The following DAG1 variants were observed in gnomAD, a reference collection of about 807,000 sequenced individuals.
DAG1 encodes the protein dystroglycan 1 (dystrophin-associated glycoprotein 1).
Under a neutral mutation model 46.1 loss-of-function variants are expected in DAG1, and 8 were observed. That is an observed-to-expected ratio of 0.17 (90% CI 0.10 to 0.31). The LOEUF (loss-of-function observed/expected upper bound fraction) is 0.31, where lower values mean the gene tolerates loss of function less well. DAG1 is among the 10% of genes least tolerant of loss of function. The pLI is 1.00. For synonymous variants in DAG1, 495 were observed against 481.8 expected, an observed-to-expected ratio of 1.03 and a Z score of -0.36; for missense variants, 1,003 against 1,189.9, an observed-to-expected ratio of 0.84 and a Z score of 2.31.
chr3:49,477,709 C>T (rs907211177), intron 1 of DAG1, among the ~76,000 whole-genome samples: 1 of 152,316 alleles, frequency 6.6e-6, no homozygotes, highest in East Asian at 1.9e-4. Context: ...CACCTATAAT[C>T]CCAGCACTTT....
intron 1 of DAG1, among the ~76,000 whole-genome samples, chr3:49,473,328 A>G (rs1485649736): frequency 6.6e-6 from 1 of 151,720 alleles, no homozygotes; most frequent in Non-Finnish European, 1.5e-5. Flanking sequence ...AGGCTGAGGC[A>G]GGAGAATGGC....
chr3:49,528,640 T>G (rs1379366933), intron 2 of DAG1, among the ~76,000 whole-genome samples: 4 of 152,150 alleles, frequency 2.6e-5, no homozygotes, highest in Non-Finnish European at 5.9e-5. Context: ...ATATTTAGCA[T>G]TTTTCATGAA....
intron 2 of DAG1, among the ~76,000 whole-genome samples, chr3:49,526,167 A>G (rs999829003): frequency 3.3e-5 from 5 of 152,134 alleles, no homozygotes; most frequent in Non-Finnish European, 7.4e-5. Context: ...CTTTTAAACA[A>G]CCAGATCTTG....
At position 49,507,652 on chromosome 3, in the gene DAG1, T is replaced by TCTTTTC. The variant is rs1230896878; in HGVS notation, c.-116-2762_-116-2757dup. Among the ~76,000 whole-genome samples the TCTTTTC allele has an allele frequency of 1.2e-3, 178 of 152,038 alleles. 1 individual carries two copies. The highest frequency in any genetic ancestry group is 0.01 in the Middle Eastern group (3 of 294). ...TTTTCTTTTTTTTTCTTTTTCTTTTTCTTTTCCTTTCCTTTATCTTTTCCT... is the reference window on the plus strand; with the variant it reads ...TTTTCTTTTTTTTTCTTTTTCTTTTTCTTTTCCTTTTCCTTTCCTTTATCTTTTCCT... On this transcript the variant is annotated intron_variant, in intron 1 of 2. Transcript: ENST00000308775.
rs756767026 is a variant in DAG1, at chr3:49,530,815, G to A, written c.304G>A (p.Glu102Lys). ...CTTCTAGGTATCAGCGGCAGGGAAG[G>A]AGGCTTTGCCATCTTGGCTGCACTG... ...DIIKVSAAGK[E>K]ALPSWLHWDS... Residue 102 changes from glutamate to lysine, a missense_variant, in exon 3 of 3, where the codon GAG becomes AAG. Glu to Lys is a moderately conservative substitution (Grantham distance 56). This residue lies in a region of DAG1 where 196 missense variants were observed against 239.1 expected (regional missense o/e 0.82). Transcript: ENST00000308775. 6.2e-7 allele frequency: 1 copy of A among 1,614,204 alleles called. No individual in the cohort carries two copies. The highest frequency in any genetic ancestry group is 1.1e-5 in the South Asian group (1 of 91,084).
intron 1 of DAG1, among the ~76,000 whole-genome samples, chr3:49,482,136 C>T (rs1407692139): frequency 2.0e-5 from 3 of 152,120 alleles, no homozygotes; most frequent in Admixed American, 1.3e-4. Context: ...TGTTTACAAG[C>T]AGTATACTTG....
chr3:49,469,933 C>A (rs940719811), upstream of DAG1, among the ~76,000 whole-genome samples: 5 of 152,234 alleles, frequency 3.3e-5, no homozygotes, highest in Non-Finnish European at 7.3e-5. Flanking sequence ...CTCCCCCACA[C>A]TACTGGTTCT....
chr3:49,480,748 C>T (rs1469560318), intron 1 of DAG1, among the ~76,000 whole-genome samples: 1 of 138,998 alleles, frequency 7.2e-6, no homozygotes, highest in Non-Finnish European at 1.6e-5. Flanking sequence ...ATTAACATCT[C>T]TGCATAAAGT....
chr3:49,526,869 T>C (rs901338350), intron 2 of DAG1, among the ~76,000 whole-genome samples: 20 of 146,246 alleles, frequency 1.4e-4, no homozygotes, highest in African/African-American at 4.8e-4. Context: ...TTAGTGTTTA[T>C]TGTTTGTTAC....
At chr3:49,489,294 G>C (rs2050119870) in intron 1 of DAG1, among the ~76,000 whole-genome samples, 1 of 152,098 alleles carries the variant, frequency 6.6e-6, no homozygotes, top group Admixed American at 6.6e-5. Flanking sequence ...GTTTCTCCAT[G>C]TTGGTCGGGC....
At chr3:49,487,034 C>T (rs1048152063) in intron 1 of DAG1, among the ~76,000 whole-genome samples, 5 of 151,946 alleles carry the variant, frequency 3.3e-5, no homozygotes, top group Non-Finnish European at 5.9e-5. Context: ...GGATTACAGG[C>T]GTGTGCCATG....
At chr3:49,505,486 G>T (rs1332857612) in intron 1 of DAG1, among the ~76,000 whole-genome samples, 5 of 152,054 alleles carry the variant, frequency 3.3e-5, no homozygotes, top group African/African-American at 1.2e-4. Context: ...TCCACATGTT[G>T]CAGTATATAG....
At position 49,501,530 on chromosome 3, in the gene DAG1, G is replaced by A. The variant is rs190517228; in HGVS notation, c.-116-8889G>A. Among the ~76,000 whole-genome samples the A allele has an allele frequency of 1.0e-3, 156 of 152,282 alleles. 1 individual carries two copies. Among genetic ancestry groups the A allele is most frequent in the South Asian group, 2.5e-3 (12 of 4,822 alleles). ...ATTTACTAAATTAGAATTAAAATGC[G>A]TCTGGGCATGGTGGCTCATACCTGT... is the stretch of plus-strand genomic sequence containing the variant. On this transcript the variant is annotated intron_variant, in intron 1 of 2. Coordinates refer to ENST00000308775, the MANE Select transcript of DAG1 (RefSeq NM_004393.6).
intron 2 of DAG1, among the ~76,000 whole-genome samples, chr3:49,519,505 ATT>A (rs1266527772): frequency 6.6e-6 from 1 of 152,088 alleles, no homozygotes; most frequent in Non-Finnish European, 1.5e-5. Context: ...TGAAAGGAGC[ATT>A]TCTTTGGATG....
chr3:49,470,868 G>GTCAGAGCTGC (rs1214581800), intron 1 of DAG1: 1 of 152,388 alleles, frequency 6.6e-6, no homozygotes, highest in Admixed American at 6.5e-5. Flanking sequence ...CCACTGCTCT[G>GTCAGAGCTGC]TCAGAGCTGC....
In DAG1 at chr3:49,510,721, A is replaced by C; in HGVS notation, c.187A>C (p.Thr63Pro). 1.2e-6 allele frequency: 2 copies of C among 1,614,132 alleles called. No homozygotes were observed. Among genetic ancestry groups the C allele is most frequent in the Non-Finnish European group, 1.7e-6 (2 of 1,180,026 alleles). The change falls in exon 2 of 3, where the codon ACA becomes CCA. Residue 63 changes from threonine to proline, a missense_variant. Around this residue, in one of 3 missense-constraint regions of DAG1, gnomAD observed 196 missense variants for 239.1 expected, o/e 0.82. Coordinates refer to ENST00000308775, the MANE Select transcript of DAG1 (RefSeq NM_004393.6). The stretch of plus-strand genomic sequence containing the variant: ...CTCAGACCTCCACGAGGCTGTTCCC[A>C]CAGTGGTTGGCATTCCTGATGGCAC... ...VLSDLHEAVP[T>P]VVGIPDGTAV... is the part of the protein sequence containing the mutation.
At chr3:49,519,982 G>T (rs988374354) in intron 2 of DAG1, among the ~76,000 whole-genome samples, 8 of 152,218 alleles carry the variant, frequency 5.3e-5, no homozygotes, top group African/African-American at 1.9e-4. Context: ...GTTCAGTATT[G>T]ATCCTGTGGC....
intron 2 of DAG1, among the ~76,000 whole-genome samples, chr3:49,527,622 G>T (rs1328437610): frequency 6.6e-6 from 1 of 152,068 alleles, no homozygotes; most frequent in Admixed American, 6.5e-5. Context: ...AGAATGGCGT[G>T]ATCCCGGGAG....
chr3:49,521,661 A>T (rs1033410660), intron 2 of DAG1, among the ~76,000 whole-genome samples: 1 of 151,888 alleles, frequency 6.6e-6, no homozygotes, highest in African/African-American at 2.4e-5. Flanking sequence ...GCCCAGGCTG[A>T]TGGTGTTTAG....
Sources: gnomAD v4.1 joint callset for allele counts (sites outside exome capture counted in the v4.1 genomes callset) on GRCh38, gnomAD v4.1.1 for gene constraint, gnomAD v4.1.1 regional missense constraint, MANE v1.5 for transcripts, NCBI Gene and HGNC (gene_info 2026-07-23, HGNC 2026-07-21) for gene names.